SPAST: variants seen among roughly 807,000 people sequenced by gnomAD.
SPAST encodes the protein spastic paraplegia 4 (autosomal dominant; spastin).
A neutral mutation model predicts 76.6 loss-of-function variants in SPAST; 30 were observed. The ratio of observed to expected loss-of-function variants is 0.39; its 90% confidence interval spans 0.29 to 0.53. The LOEUF is 0.53. Among genes scored for constraint, SPAST ranks in the 20% least tolerant of loss-of-function variants. SPAST has a pLI of 0.68. For synonymous variants in SPAST, 305 were observed against 281.0 expected, an observed-to-expected ratio of 1.09 and a Z score of -0.86; for missense variants, 717 against 770.5, an observed-to-expected ratio of 0.93 and a Z score of 0.82.
chr2:32,149,458 G>GA (rs755586010), intron 16 of SPAST, among the ~76,000 whole-genome samples: 23 of 151,960 alleles, frequency 1.5e-4, no homozygotes, highest in Non-Finnish European at 3.2e-4. Flanking sequence ...CATTTCATTT[G>GA]AAAAAAGTTG....
chr2:32,136,254 CTA>C (rs1679533571), intron 9 of SPAST, among the ~76,000 whole-genome samples: 1 of 152,086 alleles, frequency 6.6e-6, no homozygotes, highest in African/African-American at 2.4e-5. Flanking sequence ...TTTCTCTCCC[CTA>C]GTCTTCCCCT....
intron 3 of SPAST, among the ~76,000 whole-genome samples, chr2:32,091,836 A>AAAAAT (rs962804880): frequency 6.6e-6 from 1 of 151,580 alleles, no homozygotes; most frequent in Non-Finnish European, 1.5e-5. Context: ...TCTGTCTCAA[A>AAAAAT]AAAATAAAAT....
chr2:32,067,230 T>A (rs533491035), intron 1 of SPAST, among the ~76,000 whole-genome samples: 33 of 152,094 alleles, frequency 2.2e-4, no homozygotes, highest in African/African-American at 7.7e-4. Flanking sequence ...CCCAGCTAAT[T>A]TTTGTGTTTT....
At chr2:32,127,274 C>T (rs1392650170) in intron 8 of SPAST, 2 of 472,096 alleles carry the variant, frequency 4.2e-6, no homozygotes, top group South Asian at 4.3e-5. Flanking sequence ...CACGCCACCA[C>T]ACCTGTCTAG....
At chr2:32,120,590 T>C (rs902722679) in intron 7 of SPAST, among the ~76,000 whole-genome samples, 10 of 150,992 alleles carry the variant, frequency 6.6e-5, no homozygotes, top group East Asian at 1.9e-4. Flanking sequence ...TTTTTTTTTT[T>C]CCCAGAATAC....
chr2:32,131,157 C>CT (rs1236928265), intron 9 of SPAST, among the ~76,000 whole-genome samples: 1 of 152,158 alleles, frequency 6.6e-6, no homozygotes, highest in Non-Finnish European at 1.5e-5. Context: ...TATTATTATG[C>CT]TTTTTCCTGT....
chr2:32,109,524 T>C (rs1678452086), intron 4 of SPAST, among the ~76,000 whole-genome samples: 1 of 152,006 alleles, frequency 6.6e-6, no homozygotes, highest in African/African-American at 2.4e-5. Flanking sequence ...TTTTAACTCT[T>C]TTTGCTATTT....
At chr2:32,091,245 CTATTATTATTAT>C (rs139735937) in intron 3 of SPAST, among the ~76,000 whole-genome samples, 13,626 of 126,750 alleles carry the variant, frequency 0.11, 843 homozygotes, top group African/African-American at 0.15. Context: ...TAATATGAAG[CTATTATTATTAT>C]TATTATTATT....
intron 1 of SPAST, among the ~76,000 whole-genome samples, chr2:32,080,209 C>G (rs1169599200): frequency 1.3e-5 from 2 of 151,936 alleles, no homozygotes; most frequent in Non-Finnish European, 2.9e-5. Flanking sequence ...TACTTATGTA[C>G]CATTTGTGTA....
intron 1 of SPAST, among the ~76,000 whole-genome samples, chr2:32,083,503 G>GT (rs1469726752): frequency 4.0e-5 from 6 of 150,692 alleles, no homozygotes; most frequent in Admixed American, 1.3e-4. Context: ...ATGTTCTTTT[G>GT]TTTTTTTGCC....
At chr2:32,136,345 G>GAATTTTT (rs1679535983) in intron 9 of SPAST, among the ~76,000 whole-genome samples, 1 of 152,098 alleles carries the variant, frequency 6.6e-6, no homozygotes, top group Non-Finnish European at 1.5e-5. Context: ...CAAAACAGAT[G>GAATTTTT]AATTTTTAAA....
intron 9 of SPAST, chr2:32,129,538 T>G (rs1679303184): frequency 1.3e-5 from 2 of 152,234 alleles, no homozygotes; most frequent in African/African-American, 4.8e-5. Context: ...AGAGAGTAAT[T>G]TGTCTGGTGT....
rs1371963743 is a variant in SPAST, at chr2:32,157,632, A to C, written c.*3136A>C. On this transcript the variant is annotated 3_prime_UTR_variant, in exon 17 of 17. Transcript: ENST00000315285. ...CTAATGTATTGGAAATAAATGATAA[A>C]CTTTATTTTGTCTTTACTTTTTTAC... 1 of 152,360 alleles carries C rather than the reference A, an allele frequency of 6.6e-6. No homozygotes were observed. The highest frequency in any genetic ancestry group is 1.5e-5 in the Non-Finnish European group (1 of 68,020). 9.4% of individuals were successfully genotyped at this position (152,360 alleles called of 1,614,324 possible).
chr2:32,105,908 A>G (rs1043169320), intron 4 of SPAST, among the ~76,000 whole-genome samples: 1 of 152,226 alleles, frequency 6.6e-6, no homozygotes, highest in Non-Finnish European at 1.5e-5. Flanking sequence ...CTTGGGGATC[A>G]GGGACCCACT....
intron 3 of SPAST, among the ~76,000 whole-genome samples, chr2:32,094,276 T>C (rs1677837470): frequency 6.6e-6 from 1 of 152,112 alleles, no homozygotes; most frequent in East Asian, 1.9e-4. Context: ...CAGAGTGCAA[T>C]GGCGTGATCT....
chr2:32,137,700 G>T (rs1217094588), intron 12 of SPAST, among the ~76,000 whole-genome samples: 2 of 152,120 alleles, frequency 1.3e-5, no homozygotes, highest in African/African-American at 4.8e-5. Flanking sequence ...TTTCAAATTT[G>T]TAAAATAACT....
intron 1 of SPAST, chr2:32,077,709 A>G (rs1023945838): frequency 6.6e-6 from 1 of 152,208 alleles, no homozygotes; most frequent in Non-Finnish European, 1.5e-5. Context: ...TCTTGTGGCA[A>G]TCTGGGTCTC....
At chr2:32,108,186 A>C (rs1558317667) in intron 4 of SPAST, among the ~76,000 whole-genome samples, 1 of 152,202 alleles carries the variant, frequency 6.6e-6, no homozygotes, top group Non-Finnish European at 1.5e-5. Context: ...ATCTAAGTAG[A>C]TGATATAAAC....
chr2:32,097,986 C>T (rs1481362019), intron 3 of SPAST, among the ~76,000 whole-genome samples: 1 of 152,130 alleles, frequency 6.6e-6, no homozygotes, highest in Admixed American at 6.6e-5. Flanking sequence ...ACGTGAGCCA[C>T]TGCGCCTGGC....
Sources: gnomAD v4.1 joint callset for allele counts (sites outside exome capture counted in the v4.1 genomes callset) on GRCh38, gnomAD v4.1.1 for gene constraint, MANE v1.5 for transcripts, NCBI Gene and HGNC (gene_info 2026-07-23, HGNC 2026-07-21) for gene names.